Variants in FAM47E observed in about 807,000 individuals in gnomAD.
FAM47E encodes the protein protein FAM47E.
Under a neutral mutation model 41.6 loss-of-function variants are expected in FAM47E, and 32 were observed. The observed-to-expected ratio is 0.77, with a 90% confidence interval of 0.58 to 1.03. FAM47E has a LOEUF of 1.03. Ranked by LOEUF, FAM47E falls within the 50% of genes least tolerant of loss-of-function variation. The probability of loss-of-function intolerance (pLI) is 0.00; values close to 1 mark genes in which losing one functional copy is unlikely to be tolerated. For synonymous variants in FAM47E, 184 were observed against 188.7 expected (o/e 0.98, Z 0.20); for missense variants, 424 against 485.4 (o/e 0.87, Z 1.19).
At chr4:76,225,513 G>A (rs1262237019) in intron 2 of FAM47E, among the ~76,000 whole-genome samples, 1 of 152,160 alleles carries the variant, frequency 6.6e-6, no homozygotes, top group Non-Finnish European at 1.5e-5. Context: ...GTATAATGTT[G>A]GCTGTGGGTT....
chr4:76,241,180 C>T (rs919810028), intron 2 of FAM47E, among the ~76,000 whole-genome samples: 3 of 152,132 alleles, frequency 2.0e-5, no homozygotes, highest in Non-Finnish European at 2.9e-5. Context: ...TCCCTGGGCA[C>T]GCACAGTGAC....
chr4:76,243,148 A>T (rs1317612777), intron 2 of FAM47E, among the ~76,000 whole-genome samples: 2 of 152,154 alleles, frequency 1.3e-5, no homozygotes, highest in African/African-American at 4.8e-5. Flanking sequence ...CCAGAACCCG[A>T]CCATGCTGGC....
At chr4:76,227,553 G>T (rs975407672) in intron 2 of FAM47E, among the ~76,000 whole-genome samples, 3 of 152,096 alleles carry the variant, frequency 2.0e-5, no homozygotes, top group Non-Finnish European at 4.4e-5. Context: ...TCTATCTGGG[G>T]TATAGTTTCA....
At chr4:76,220,546 G>A (rs1032769154) in intron 2 of FAM47E, among the ~76,000 whole-genome samples, 1 of 152,162 alleles carries the variant, frequency 6.6e-6, no homozygotes, top group Non-Finnish European at 1.5e-5. Context: ...AGGATTCCTC[G>A]AGTCCAGGAG....
At chr4:76,258,745 C>T (rs13122345) in intron 2 of FAM47E, among the ~76,000 whole-genome samples, 19,680 of 152,184 alleles carry the variant, frequency 0.13, 1,577 homozygotes, top group East Asian at 0.32. Flanking sequence ...AGATTGAATT[C>T]CTGAATGTTG....
chr4:76,231,693 T>TC (rs1733496546), intron 2 of FAM47E, among the ~76,000 whole-genome samples: 1 of 152,226 alleles, frequency 6.6e-6, no homozygotes, highest in Admixed American at 6.5e-5. Context: ...AGGAATCAGA[T>TC]AAGACCTTTT....
intron 1 of FAM47E, chr4:76,217,535 G>A (rs936575909): frequency 3.2e-5 from 14 of 438,898 alleles, no homozygotes; most frequent in Non-Finnish European, 1.2e-5. Context: ...CTTCCTCTCT[G>A]CCCATGTGCC....
At chr4:76,266,085 G>A (rs1233471004) in intron 3 of FAM47E, among the ~76,000 whole-genome samples, 1 of 152,182 alleles carries the variant, frequency 6.6e-6, no homozygotes, top group Admixed American at 6.5e-5. Flanking sequence ...ATACATAGTA[G>A]CAATTGACGT....
At chr4:76,256,028 G>C in intron 1 of FAM47E, 150 bp from the exon 2 acceptor site, 1 of 822,698 alleles carries the variant, frequency 1.2e-6, no homozygotes, top group Non-Finnish European at 1.9e-6. Flanking sequence ...ATTAACTCCA[G>C]CTTCTCCAGT....
At position 76,251,786 on chromosome 4, in the gene FAM47E, GC is replaced by G. The variant is rs1359098105; in HGVS notation, c.44del (p.Pro15ArgfsTer6). 28 of 1,490,582 alleles carry G rather than the reference GC, an allele frequency of 1.9e-5. No individual in the cohort carries two copies. The highest frequency in any genetic ancestry group is 2.3e-5 in the Non-Finnish European group (26 of 1,126,826). 92.3% of individuals were successfully genotyped at this position (1,490,582 alleles called of 1,614,324 possible). ...GCGGCGGCTCCGGCCGGGGACGTTGGCCCCGGTGCGCGAGGGCGTGAACTGC... is the reference window on the plus strand; with the variant it reads ...GCGGCGGCTCCGGCCGGGGACGTTGGCCCGGTGCGCGAGGGCGTGAACTGC... ...RRRRLRPGTL[A>X]PVREGVNCRS... On this transcript the variant is annotated frameshift_variant, in exon 1 of 8. Transcript: ENST00000424749. LOFTEE classifies it high-confidence loss of function.
intron 1 of FAM47E, among the ~76,000 whole-genome samples, chr4:76,252,739 T>C (rs1734024860): frequency 6.6e-6 from 1 of 152,154 alleles, no homozygotes; most frequent in Non-Finnish European, 1.5e-5. Flanking sequence ...AAAATTTTGT[T>C]TTGAAATAAC....
At chr4:76,239,577 TG>T (rs1215716059) in intron 2 of FAM47E, among the ~76,000 whole-genome samples, 1 of 152,198 alleles carries the variant, frequency 6.6e-6, no homozygotes, top group Non-Finnish European at 1.5e-5. Flanking sequence ...TAAATCATGT[TG>T]TTTTTTGTTG....
chr4:76,272,938 G>A (rs1029645709), intron 5 of FAM47E, among the ~76,000 whole-genome samples: 1 of 152,100 alleles, frequency 6.6e-6, no homozygotes, highest in African/African-American at 2.4e-5. Flanking sequence ...ATTTCTTCCA[G>A]GGTGGATCTG....
At chr4:76,246,647 A>C (rs2109995724) in intron 2 of FAM47E, among the ~76,000 whole-genome samples, 1 of 152,200 alleles carries the variant, frequency 6.6e-6, no homozygotes, top group African/African-American at 2.4e-5. Context: ...CAAGATGTAG[A>C]AGATTTGCAT....
intron 2 of FAM47E, among the ~76,000 whole-genome samples, chr4:76,228,562 A>C (rs1472279076): frequency 6.6e-6 from 1 of 151,908 alleles, no homozygotes; most frequent in Non-Finnish European, 1.5e-5. Context: ...AAATTCTCTC[A>C]GCATTTGTTT....
At chr4:76,264,268 A>G (rs1346477143) in intron 3 of FAM47E, among the ~76,000 whole-genome samples, 1 of 151,794 alleles carries the variant, frequency 6.6e-6, no homozygotes, top group Non-Finnish European at 1.5e-5. Flanking sequence ...AGAGATCACA[A>G]CTCACTGCAG....
intron 3 of FAM47E, 176 bp from the exon 4 acceptor site, chr4:76,268,484 T>G (rs1200059195): frequency 1.7e-6 from 1 of 588,394 alleles, no homozygotes. Flanking sequence ...CTTGTCTTTA[T>G]GATATTCGTA....
Position 76,229,192 on chromosome 4 carries a change from ATTG to A in FAM47E, c.81+11507_81+11509del, listed in dbSNP as rs747957488. Among the ~76,000 whole-genome samples the A allele has an allele frequency of 3.3e-5, 5 of 151,908 alleles. No homozygotes were observed. The East Asian group carries it at 7.8e-4, about 24-fold the overall frequency. On this transcript the variant is annotated intron_variant, in intron 2 of 7. Transcript: ENST00000510197. ...GTGTCTTTGATTTCCAGAAGTTGTG[ATTG>A]TTTTTTCTTTATGATGTCTGTTTCT...
Position 76,215,348 on chromosome 4 carries a change from T to C in FAM47E, c.-30+924T>C, listed in dbSNP as rs373566218. On this transcript the variant is annotated intron_variant, in intron 1 of 7. Transcript: ENST00000510197. ...GTGGTGGATCCTGCTTGAACCAGGA[T>C]GTAGGGCTGGCTGTTGGCTTCCAAA... is the stretch of plus-strand genomic sequence containing the variant. 2.6e-5 allele frequency among the ~76,000 whole-genome samples: 4 copies of C among 152,324 alleles called. No individual in the cohort carries two copies. In the East Asian group the frequency reaches 5.8e-4, roughly 22 times the overall value.
Sources: allele counts gnomAD v4.1 joint callset (sites outside exome capture counted in the v4.1 genomes callset), GRCh38; gene constraint gnomAD v4.1.1; transcripts MANE v1.5; gene names NCBI Gene and HGNC (gene_info 2026-07-23, HGNC 2026-07-21).